The following GPR141 variants were observed in gnomAD, a reference collection of about 807,000 sequenced individuals.
GPR141 encodes the protein G protein-coupled receptor 141, also known as probable G protein-coupled receptor 141.
In GPR141, 6 loss-of-function variants were observed where a neutral mutation model predicts 6.8. The ratio of observed to expected loss-of-function variants is 0.88; its 90% CI spans 0.48 to 1.74. The LOEUF (loss-of-function observed/expected upper bound fraction) is 1.74. Among genes scored for constraint, GPR141 ranks in the 40% most tolerant of loss-of-function variants. The pLI is 0.01. For missense variants in GPR141, 372 were observed against 372.9 expected, an observed-to-expected ratio of 1.00 and a Z score of 0.02; for synonymous variants, 140 against 142.3, an observed-to-expected ratio of 0.98 and a Z score of 0.11.
At chr7:37,726,445 A>G (rs1811628821) in intron 2 of GPR141, among the ~76,000 whole-genome samples, 1 of 152,202 alleles carries the variant, frequency 6.6e-6, no homozygotes, top group Non-Finnish European at 1.5e-5. Flanking sequence ...AATTTAGGCA[A>G]TGAAGAGTTG....
intron 2 of GPR141, among the ~76,000 whole-genome samples, chr7:37,695,709 G>A (rs1420513355): frequency 2.0e-5 from 3 of 152,072 alleles, no homozygotes; most frequent in Non-Finnish European, 4.4e-5. Context: ...TTTATTCATT[G>A]TTTTGTCTGT....
At chr7:37,732,035 ATT>A (rs1467680669) in intron 2 of GPR141, among the ~76,000 whole-genome samples, 99 of 53,894 alleles carry the variant, frequency 1.8e-3, no homozygotes, top group African/African-American at 7.2e-3. Flanking sequence ...TGTTTTTTTT[ATT>A]TTTATTTATT....
chr7:37,708,318 A>AAAAAAAAAAAAAAAAAAC (rs1810624809), intron 2 of GPR141, among the ~76,000 whole-genome samples: 1 of 148,712 alleles, frequency 6.7e-6, no homozygotes, highest in Non-Finnish European at 1.5e-5. Context: ...GGCAAAAAAA[A>AAAAAAAAAAAAAAAAAAC]AAAAAAAAAA....
At chr7:37,709,169 G>A (rs558144976) in intron 2 of GPR141, among the ~76,000 whole-genome samples, 15 of 152,046 alleles carry the variant, frequency 9.9e-5, no homozygotes, top group African/African-American at 2.4e-4. Flanking sequence ...AGAGATCATC[G>A]TACACAGAAA....
At chr7:37,738,075 C>T (rs549342620) in intron 2 of GPR141, among the ~76,000 whole-genome samples, 13 of 152,198 alleles carry the variant, frequency 8.5e-5, no homozygotes, top group Non-Finnish European at 1.5e-4. Flanking sequence ...AATGAGTTTT[C>T]GGGAGTGTAT....
intron 2 of GPR141, among the ~76,000 whole-genome samples, chr7:37,704,914 T>G (rs143492822): frequency 1.7e-4 from 26 of 152,276 alleles, no homozygotes; most frequent in African/African-American, 6.0e-4. Flanking sequence ...TTTTTCGCAT[T>G]TTAGGGTACT....
At chr7:37,691,519 CT>C (rs1003631813) in intron 2 of GPR141, among the ~76,000 whole-genome samples, 5 of 151,800 alleles carry the variant, frequency 3.3e-5, no homozygotes, top group African/African-American at 1.2e-4. Context: ...GTTCTTTGTT[CT>C]TTTTTCCTCT....
chr7:37,715,321 G>A (rs1810993549), intron 2 of GPR141, among the ~76,000 whole-genome samples: 1 of 152,058 alleles, frequency 6.6e-6, no homozygotes, highest in South Asian at 2.1e-4. Flanking sequence ...GTAGAGAAAG[G>A]ATCTTACTAT....
chr7:37,708,140 G>A (rs1366863706), intron 2 of GPR141, among the ~76,000 whole-genome samples: 1 of 152,016 alleles, frequency 6.6e-6, no homozygotes, highest in Non-Finnish European at 1.5e-5. Context: ...CAGCCTGACA[G>A]ATGTAATGAT....
rs116795200 is a variant in GPR141, at chr7:37,714,561, C to T, written c.-14-25819C>T. Among the ~76,000 whole-genome samples the T allele has an allele frequency of 5.0e-3, 766 of 152,154 alleles. 7 individuals are homozygous for T. Among genetic ancestry groups the T allele is most frequent in the African/African-American group, 0.017 (716 of 41,502 alleles). ...ACTTGGGACTCTTGTTACTAGTGGTCGTTTACCTAACTTCTTGGACAATTT... is the reference window on the plus strand; with the variant it reads ...ACTTGGGACTCTTGTTACTAGTGGTTGTTTACCTAACTTCTTGGACAATTT... On this transcript the variant is annotated intron_variant, in intron 2 of 2. Coordinates refer to ENST00000334425, the MANE Select transcript of GPR141 (RefSeq NM_001381946.1).
chr7:37,696,119 T>C (rs1810004285), intron 2 of GPR141, among the ~76,000 whole-genome samples: 2 of 152,208 alleles, frequency 1.3e-5, no homozygotes, highest in South Asian at 4.1e-4. Flanking sequence ...TTTATAATAG[T>C]GTGAAAGCAA....
At chr7:37,734,694 T>C (rs1812147633) in intron 2 of GPR141, among the ~76,000 whole-genome samples, 3 of 152,228 alleles carry the variant, frequency 2.0e-5, no homozygotes, top group Admixed American at 1.3e-4. Context: ...ACTTATCTTC[T>C]GAAAGAGATC....
At chr7:37,708,327 A>AC (rs1303662835) in intron 2 of GPR141, among the ~76,000 whole-genome samples, 1 of 151,548 alleles carries the variant, frequency 6.6e-6, no homozygotes, top group South Asian at 2.1e-4. Flanking sequence ...AAAAAAAAAA[A>AC]AAAAAAAACG....
intron 2 of GPR141, among the ~76,000 whole-genome samples, chr7:37,738,861 T>C (rs569321534): frequency 1.5e-3 from 223 of 152,332 alleles, no homozygotes; most frequent in Non-Finnish European, 2.4e-3. Flanking sequence ...GAAAAAGATA[T>C]CATACAATAT....
chr7:37,740,152 G>T (rs528196938), intron 2 of GPR141, among the ~76,000 whole-genome samples: 45 of 152,250 alleles, frequency 3.0e-4, no homozygotes, highest in African/African-American at 1.1e-3. Flanking sequence ...GCAACTTGAA[G>T]ATTCAGATTC....
chr7:37,689,742 G>T (rs1265275833), intron 2 of GPR141, among the ~76,000 whole-genome samples: 3 of 151,474 alleles, frequency 2.0e-5, no homozygotes, highest in Non-Finnish European at 4.4e-5. Flanking sequence ...GCTATTAATT[G>T]TACAGTCTCT....
At position 37,740,772 on chromosome 7, in the gene GPR141, T is replaced by A. The variant is rs371125432; in HGVS notation, c.379T>A (p.Tyr127Asn). ...FFKCKDKVEF[Y>N]RKLHAVAASA... The stretch of plus-strand genomic sequence containing the variant: ...CAAGTGCAAAGACAAAGTGGAATTC[T>A]ACAGAAAACTGCATGCTGTGGCTGC... The change falls in exon 3 of 3, where the codon TAC becomes AAC. Residue 127 changes from tyrosine (Y) to asparagine (N), a missense_variant. Transcript: ENST00000334425. 1.7e-5 allele frequency: 27 copies of A among 1,614,050 alleles called. No individual in the cohort carries two copies. Among genetic ancestry groups the A allele is most frequent in the East Asian group, 8.9e-5 (4 of 44,890 alleles).
At chr7:37,686,879 G>A (rs544153707) in intron 2 of GPR141, among the ~76,000 whole-genome samples, 2 of 152,206 alleles carry the variant, frequency 1.3e-5, no homozygotes, top group South Asian at 4.1e-4. Context: ...CTTTTTACAA[G>A]GTTGCTAGTA....
intron 2 of GPR141, among the ~76,000 whole-genome samples, chr7:37,700,384 C>T (rs188277344): frequency 2.7e-4 from 41 of 152,270 alleles, no homozygotes; most frequent in Middle Eastern, 6.8e-3. Context: ...ATTCTTCTTT[C>T]GGCAAAGCAT....
Sources: gnomAD v4.1 joint callset for allele counts (sites outside exome capture counted in the v4.1 genomes callset) on GRCh38, gnomAD v4.1.1 for gene constraint, MANE v1.5 for transcripts, NCBI Gene and HGNC (gene_info 2026-07-23, HGNC 2026-07-21) for gene names.